CLTCL1: variants seen among roughly 807,000 people sequenced by gnomAD.
CLTCL1 encodes clathrin heavy chain like 1.
In CLTCL1, 159 loss-of-function variants were observed where a neutral mutation model predicts 190.0. The observed-to-expected ratio is 0.84, with a 90% CI of 0.74 to 0.95. The LOEUF is 0.95. CLTCL1 is among the 40% of genes least tolerant of loss of function. The probability of loss-of-function intolerance (pLI) is 0.00; values close to 1 mark genes in which losing one functional copy is unlikely to be tolerated. For missense variants in CLTCL1, 1,878 were observed against 2,033.4 expected, an observed-to-expected ratio of 0.92 and a Z score of 1.47; for synonymous variants, 752 against 769.6, an observed-to-expected ratio of 0.98 and a Z score of 0.38.
intron 26 of CLTCL1, among the ~76,000 whole-genome samples, chr22:19,194,111 G>GT (rs1268845786): frequency 6.6e-6 from 1 of 152,068 alleles, no homozygotes; most frequent in Admixed American, 6.5e-5. Context: ...TGATTGGTAC[G>GT]TTTTTTACAG....
chr22:19,221,620 G>A lies in CLTCL1; in HGVS notation c.2562-9C>T, dbSNP rs2085572506. 1 of 1,566,198 alleles carries A rather than the reference G, an allele frequency of 6.4e-7. No homozygotes were observed. Among genetic ancestry groups the A allele is most frequent in the Admixed American group, 1.9e-5 (1 of 52,638 alleles). On this transcript the variant is annotated splice_polypyrimidine_tract_variant and intron_variant, in intron 16 of 32. Transcript: ENST00000427926. ...GAAGCAGCAGCTTGAGCCTTTGAAA[G>A]AAGGAAGGTGCTGTAAAGTCTCAAG...
intron 31 of CLTCL1, 29 bp downstream of exon 31, chr22:19,180,701 AG>A: frequency 6.2e-7 from 1 of 1,610,864 alleles, no homozygotes; most frequent in Middle Eastern, 1.7e-4. Flanking sequence ...CTCCCTCCCC[AG>A]GGGGTTGGGG....
rs201506683 is a variant in CLTCL1, at chr22:19,234,615, C to T, written c.1061G>A (p.Arg354His). 2.9e-5 allele frequency: 46 copies of T among 1,614,014 alleles called. No homozygotes were observed. In the East Asian group the frequency reaches 4.2e-4, roughly 15 times the overall value. Residue 354 changes from arginine to histidine, a missense_variant, in exon 7 of 33, where the codon CGT (arginine) becomes CAT (histidine). Physicochemically the swap from Arg to His is conservative, Grantham distance 29. Transcript: ENST00000427926. ...NPDLGLRLAV[R>H]SNLAGAEKLF... ...CTTCTCTGCCCCAGCCAGGTTACTA[C>T]GAACGGCCAAACGCAGACCAAGGTC...
At chr22:19,181,112 C>T (rs1372758220) in intron 30 of CLTCL1, 2 of 398,060 alleles carry the variant, frequency 5.0e-6, no homozygotes, top group Non-Finnish European at 9.2e-6. Flanking sequence ...TTATGGGGGG[C>T]CAAGTCCTCC....
intron 15 of CLTCL1, among the ~76,000 whole-genome samples, 177 bp downstream of exon 15, chr22:19,222,507 T>C (rs1453138842): frequency 6.6e-6 from 1 of 152,182 alleles, no homozygotes; most frequent in Non-Finnish European, 1.5e-5. Context: ...TAAATGTGTG[T>C]TGTTTCAGCT....
At chr22:19,266,036 C>T (rs1269350276) in intron 2 of CLTCL1, among the ~76,000 whole-genome samples, 6 of 151,530 alleles carry the variant, frequency 4.0e-5, no homozygotes, top group African/African-American at 1.5e-4. Flanking sequence ...ACCACACTGG[C>T]TAGTTTTTTG....
intron 26 of CLTCL1, among the ~76,000 whole-genome samples, chr22:19,193,506 G>A (rs138150863): frequency 1.2e-4 from 19 of 152,180 alleles, no homozygotes; most frequent in Non-Finnish European, 2.4e-4. Context: ...TGGCAGGCCC[G>A]TGCCCACTAG....
chr22:19,275,803 T>C lies in CLTCL1; in HGVS notation c.70A>G (p.Asn24Asp). Residue 24 changes from asparagine (N) to aspartate (D), a missense_variant, in exon 2 of 33, where the codon AAC (asparagine) becomes GAC (aspartate). Coordinates refer to ENST00000427926, the MANE Select transcript of CLTCL1 (RefSeq NM_007098.4). ...QLQNLGINPA[N>D]IGFSTLTMES... ...ATGGTCAGTGTGCTGAATCCAATGTTAGCTGGATTAATTCCAAGGTTTTGG... is the reference window on the plus strand; with the variant it reads ...ATGGTCAGTGTGCTGAATCCAATGTCAGCTGGATTAATTCCAAGGTTTTGG... 4 of 1,604,796 alleles carry C rather than the reference T, an allele frequency of 2.5e-6. No individual in the cohort carries two copies. Among genetic ancestry groups the C allele is most frequent in the Non-Finnish European group, 1.7e-6 (2 of 1,175,560 alleles).
At chr22:19,209,988 A>T (rs373933271) in intron 20 of CLTCL1, among the ~76,000 whole-genome samples, 75 of 152,202 alleles carry the variant, frequency 4.9e-4, no homozygotes, top group African/African-American at 1.6e-3. Flanking sequence ...AATGGTTGTC[A>T]TTGAGGGTAA....
intron 22 of CLTCL1, among the ~76,000 whole-genome samples, chr22:19,205,165 G>A (rs548990572): frequency 1.3e-5 from 2 of 152,116 alleles, no homozygotes; most frequent in South Asian, 4.2e-4. Context: ...AAATCCCAGA[G>A]TTATTCACTG....
At chr22:19,277,523 C>CA (rs781835398) in intron 1 of CLTCL1, among the ~76,000 whole-genome samples, 6 of 151,838 alleles carry the variant, frequency 4.0e-5, no homozygotes, top group African/African-American at 1.5e-4. Context: ...CATATAACAG[C>CA]AAAAAAACAA....
chr22:19,207,628 C>A, intron 22 of CLTCL1: 1 of 427,684 alleles, frequency 2.3e-6, no homozygotes, highest in Non-Finnish European at 4.1e-6. Flanking sequence ...AGGAATCACG[C>A]CCCATAGCAG....
At chr22:19,182,308 C>CTG (rs1439440542) in intron 30 of CLTCL1, 13 of 152,352 alleles carry the variant, frequency 8.5e-5, no homozygotes, top group African/African-American at 3.1e-4. Flanking sequence ...TTGCCATCCA[C>CTG]TGTGGTGGGG....
chr22:19,194,786 C>G (rs1341627576), intron 26 of CLTCL1, among the ~76,000 whole-genome samples: 1 of 152,262 alleles, frequency 6.6e-6, no homozygotes, highest in Non-Finnish European at 1.5e-5. Context: ...TGGCCCAGCC[C>G]TATGGCTAAG....
In CLTCL1 at chr22:19,254,054, A is replaced by T. The variant is rs2086676714; in HGVS notation, c.424T>A (p.Phe142Ile). The change falls in exon 3 of 33, where the codon TTT becomes ATT. Residue 142 changes from phenylalanine (F) to isoleucine (I), a missense_variant. Coordinates refer to ENST00000427926, the MANE Select transcript of CLTCL1 (RefSeq NM_007098.4). ...MEGDSQPMKM[F>I]DRHTSLVGCQ... The stretch of plus-strand genomic sequence containing the variant: ...CCCACCAGACTGGTATGTCTATCAA[A>T]CATCTTCATGGGCTGGGAGTCACCT... The T allele has an allele frequency of 6.2e-7, 1 of 1,612,138 alleles. No homozygotes were observed. Among genetic ancestry groups the T allele is most frequent in the Non-Finnish European group, 8.5e-7 (1 of 1,179,020 alleles).
intron 4 of CLTCL1, among the ~76,000 whole-genome samples, chr22:19,242,104 G>A (rs2086274596): frequency 6.6e-6 from 1 of 151,274 alleles, no homozygotes; most frequent in Admixed American, 6.6e-5. Context: ...AGCCAGGCCC[G>A]GCTAATTTTT....
intron 30 of CLTCL1, chr22:19,182,840 C>A (rs1454838006): frequency 6.3e-6 from 1 of 159,652 alleles, no homozygotes; most frequent in Non-Finnish European, 1.4e-5. Flanking sequence ...GCAGGGACTC[C>A]TAGGACTTCA....
chr22:19,250,013 G>T, intron 3 of CLTCL1: 1 of 300,000 alleles, frequency 3.3e-6, no homozygotes, highest in Non-Finnish European at 6.9e-6. Context: ...CAGAACTTTG[G>T]GAGGCCGAGG....
At position 19,226,292 on chromosome 22, in the gene CLTCL1, T is replaced by G. The variant is rs2085743408; in HGVS notation, c.1874A>C (p.Gln625Pro). Residue 625 changes from glutamine (Q) to proline (P), a missense_variant, in exon 12 of 33, where the codon CAA (glutamine) becomes CCA (proline). Physicochemically the swap from Gln to Pro is moderately conservative, Grantham distance 76. Coordinates refer to ENST00000427926, the MANE Select transcript of CLTCL1 (RefSeq NM_007098.4). ...GAGGTCGGTGTAGTGCTCCAGTGCT[T>G]GCTGCAGGAGGCCTGCCTTCTCACA... ...QLCEKAGLLQ[Q>P]ALEHYTDLYD... The G allele has an allele frequency of 6.2e-7, 1 of 1,613,930 alleles. No individual in the cohort carries two copies. The highest frequency in any genetic ancestry group is 8.5e-7 in the Non-Finnish European group (1 of 1,179,898).
Sources: gnomAD v4.1 joint callset for allele counts (sites outside exome capture counted in the v4.1 genomes callset) on GRCh38, gnomAD v4.1.1 for gene constraint, MANE v1.5 for transcripts, NCBI Gene and HGNC (gene_info 2026-07-23, HGNC 2026-07-21) for gene names.